The following DLGAP2 variants were observed in gnomAD, a reference collection of about 807,000 sequenced individuals.
The protein encoded by DLGAP2 is disks large-associated protein 2.
A neutral mutation model predicts 100.3 loss-of-function variants in DLGAP2; 26 were observed. That is an observed-to-expected ratio of 0.26 (90% CI 0.19 to 0.36). DLGAP2 has a LOEUF of 0.36. Ranked by LOEUF, DLGAP2 falls within the 10% of genes least tolerant of loss-of-function variation. The pLI is 1.00. For synonymous variants in DLGAP2, 886 were observed against 630.1 expected (o/e 1.41, Z -6.08); for missense variants, 1,858 against 1,453.2 (o/e 1.28, Z -4.53).
intron 1 of DLGAP2, among the ~76,000 whole-genome samples, chr8:781,181 A>C (rs1186985364): frequency 6.6e-6 from 1 of 152,096 alleles, no homozygotes; most frequent in African/African-American, 2.4e-5. Context: ...CTTCATACTT[A>C]TTGTTAGTAA....
chr8:1,496,661 C>T (rs753468423), intron 3 of DLGAP2, among the ~76,000 whole-genome samples: 1 of 152,190 alleles, frequency 6.6e-6, no homozygotes, highest in Admixed American at 6.5e-5. Flanking sequence ...ACCCAGACCC[C>T]TCTGGGCCAC....
chr8:1,263,151 C>T (rs1035047820), intron 3 of DLGAP2, among the ~76,000 whole-genome samples: 6 of 152,026 alleles, frequency 3.9e-5, no homozygotes, highest in Admixed American at 6.6e-5. Context: ...TTGACATGAA[C>T]GATTCTTTAG....
At chr8:1,142,906 G>C (rs1295541403) in intron 2 of DLGAP2, among the ~76,000 whole-genome samples, 1 of 152,204 alleles carries the variant, frequency 6.6e-6, no homozygotes, top group Non-Finnish European at 1.5e-5. Flanking sequence ...GAAAAGCCAA[G>C]AGGGGTCGTA....
chr8:1,542,576 T>A (rs140743004), intron 4 of DLGAP2, among the ~76,000 whole-genome samples: 1 of 152,234 alleles, frequency 6.6e-6, no homozygotes, highest in African/African-American at 2.4e-5. Flanking sequence ...CTGGGCTTAA[T>A]TGGTTTTAAT....
intron 3 of DLGAP2, among the ~76,000 whole-genome samples, chr8:1,306,036 T>G (rs2117006192): frequency 7.1e-6 from 1 of 140,066 alleles, no homozygotes; most frequent in Admixed American, 7.8e-5. Flanking sequence ...CCACTTCTAC[T>G]CATCATAGTA....
chr8:1,083,641 G>A (rs182108463), intron 2 of DLGAP2, among the ~76,000 whole-genome samples: 9 of 152,252 alleles, frequency 5.9e-5, no homozygotes, highest in Non-Finnish European at 1.0e-4. Context: ...GATATTAATG[G>A]TTGGCTGAGC....
At chr8:1,084,637 C>G (rs1317029833) in intron 2 of DLGAP2, among the ~76,000 whole-genome samples, 2 of 152,230 alleles carry the variant, frequency 1.3e-5, no homozygotes, top group Non-Finnish European at 2.9e-5. Context: ...ATTTGTCTTT[C>G]TGTGCCTGGC....
chr8:1,165,888 G>C (rs1797005081), intron 2 of DLGAP2, among the ~76,000 whole-genome samples: 2 of 151,874 alleles, frequency 1.3e-5, no homozygotes, highest in African/African-American at 4.8e-5. Flanking sequence ...AGGCTTCATA[G>C]ATGTGCCACT....
At chr8:1,699,522 G>A (rs537580820) in intron 14 of DLGAP2, among the ~76,000 whole-genome samples, 1 of 152,192 alleles carries the variant, frequency 6.6e-6, no homozygotes, top group South Asian at 2.1e-4. Flanking sequence ...GCTGAGGCAG[G>A]AGAATGGAGT....
chr8:783,774 G>C (rs930413120), intron 1 of DLGAP2, among the ~76,000 whole-genome samples: 3 of 152,176 alleles, frequency 2.0e-5, no homozygotes, highest in Non-Finnish European at 4.4e-5. Context: ...ATCTTGCAGG[G>C]AGTGTTGCCC....
intron 2 of DLGAP2, among the ~76,000 whole-genome samples, chr8:1,175,733 G>T (rs1396753940): frequency 1.3e-5 from 2 of 152,186 alleles, no homozygotes; most frequent in Non-Finnish European, 2.9e-5. Flanking sequence ...GACCTGCTCT[G>T]TGTGAATGAA....
At chr8:1,294,741 C>A (rs1253286379) in intron 3 of DLGAP2, among the ~76,000 whole-genome samples, 1 of 152,030 alleles carries the variant, frequency 6.6e-6, no homozygotes, top group African/African-American at 2.4e-5. Context: ...TGGTGGTGCA[C>A]ACGTGTAATC....
intron 6 of DLGAP2, among the ~76,000 whole-genome samples, chr8:1,566,868 C>T (rs541684605): frequency 2.0e-5 from 3 of 152,326 alleles, no homozygotes; most frequent in Admixed American, 6.5e-5. Flanking sequence ...TTCACAAATC[C>T]GAACTCTATC....
intron 2 of DLGAP2, among the ~76,000 whole-genome samples, chr8:1,185,268 C>A (rs1411873056): frequency 1.3e-5 from 2 of 152,102 alleles, no homozygotes; most frequent in African/African-American, 4.8e-5. Context: ...CTGAGAGTTT[C>A]TTTGTCAAAC....
At position 1,561,145 on chromosome 8, in the gene DLGAP2, G is replaced by C. The variant is rs577268771; in HGVS notation, c.1231-4538G>C. Among the ~76,000 whole-genome samples the C allele has an allele frequency of 1.2e-4, 18 of 152,254 alleles. No homozygotes were observed. The South Asian group carries it at 3.1e-3, about 26-fold the overall frequency. On this transcript the variant is annotated intron_variant, in intron 5 of 14. Coordinates refer to ENST00000637795, the MANE Select transcript of DLGAP2 (RefSeq NM_001346810.2). Reference sequence around the variant, plus strand: ...GGAGTTCCCCTGCACACACTCTCTTGCCTGCCACCATGTAAGACATGACTT... The same window carrying C: ...GGAGTTCCCCTGCACACACTCTCTTCCCTGCCACCATGTAAGACATGACTT...
chr8:1,073,226 T>C (rs951321270), intron 2 of DLGAP2, among the ~76,000 whole-genome samples: 1 of 152,214 alleles, frequency 6.6e-6, no homozygotes, highest in Non-Finnish European at 1.5e-5. Flanking sequence ...TCTCTTCTGC[T>C]ATTGGAACAT....
intron 1 of DLGAP2, among the ~76,000 whole-genome samples, chr8:761,680 G>A (rs1326691657): frequency 2.6e-5 from 4 of 152,154 alleles, no homozygotes; most frequent in Admixed American, 6.5e-5. Context: ...AATCATTCCC[G>A]TGTGTCAGGC....
chr8:753,210 G>A (rs142500201), intron 1 of DLGAP2, among the ~76,000 whole-genome samples: 75 of 152,312 alleles, frequency 4.9e-4, no homozygotes, highest in African/African-American at 1.8e-3. Context: ...CACTTACGCA[G>A]AGGAGGGGCC....
At chr8:1,589,858 C>A (rs1436710535) in intron 6 of DLGAP2, among the ~76,000 whole-genome samples, 1 of 152,170 alleles carries the variant, frequency 6.6e-6, no homozygotes, top group Admixed American at 6.5e-5. Context: ...TCTGAGGTCA[C>A]TTCTGACCCC....
Sources: allele counts gnomAD v4.1 joint callset (sites outside exome capture counted in the v4.1 genomes callset), GRCh38; gene constraint gnomAD v4.1.1; transcripts MANE v1.5; gene names NCBI Gene and HGNC (gene_info 2026-07-23, HGNC 2026-07-21).